The following LYPLAL1 variants were observed in gnomAD, a reference collection of about 807,000 sequenced individuals.
The protein encoded by LYPLAL1 is lysophospholipase-like protein 1.
LYPLAL1 carries 23 observed loss-of-function variants against 19.7 expected under a neutral mutation model. The ratio of observed to expected loss-of-function variants is 1.17; its 90% CI spans 0.84 to 1.65. The LOEUF (loss-of-function observed/expected upper bound fraction) is 1.65. Among genes scored for constraint, LYPLAL1 ranks in the 40% most tolerant of loss-of-function variants. The pLI is 0.00. For synonymous variants in LYPLAL1, 119 were observed against 96.3 expected, an observed-to-expected ratio of 1.24 and a Z score of -1.38; for missense variants, 355 against 279.4, an observed-to-expected ratio of 1.27 and a Z score of -1.93.
At chr1:219,316,037 C>T in the LYPLAL1 span, among the ~76,000 whole-genome samples, 276 of 152,176 alleles carry the variant, frequency 1.8e-3, 4 homozygotes, top group Middle Eastern at 3.4e-3. Flanking sequence ...TCTCAAAGAT[C>T]CAATAATATT....
At chr1:219,434,529 T>C in the LYPLAL1 span, among the ~76,000 whole-genome samples, 4 of 152,208 alleles carry the variant, frequency 2.6e-5, no homozygotes, top group Admixed American at 2.6e-4. Flanking sequence ...AGAACAGCAG[T>C]TGGACTCCCC....
chr1:219,330,659 C>T, the LYPLAL1 span, among the ~76,000 whole-genome samples: 1 of 152,182 alleles, frequency 6.6e-6, no homozygotes, highest in African/African-American at 2.4e-5. Context: ...CTTCTAAATA[C>T]ATTCAACAAA....
the LYPLAL1 span, among the ~76,000 whole-genome samples, chr1:219,357,630 C>T: frequency 6.6e-6 from 1 of 152,138 alleles, no homozygotes; most frequent in Non-Finnish European, 1.5e-5. Flanking sequence ...TTTTGAGCAG[C>T]AGTTTGGTGA....
chr1:219,196,337 T>C (rs1242563832), intron 3 of LYPLAL1, among the ~76,000 whole-genome samples: 1 of 152,152 alleles, frequency 6.6e-6, no homozygotes, highest in Admixed American at 6.6e-5. Context: ...TGCCAGCATA[T>C]TAAAAATTCA....
chr1:219,244,922 A>AG, the LYPLAL1 span, among the ~76,000 whole-genome samples: 1 of 150,474 alleles, frequency 6.6e-6, no homozygotes, highest in South Asian at 2.1e-4. Context: ...AAAAAAAAAA[A>AG]AAAAACAAAA....
chr1:219,211,340 T>C (rs917488125), intron 4 of LYPLAL1, 152 bp from the exon 5 acceptor site: 3 of 593,804 alleles, frequency 5.1e-6, no homozygotes, highest in African/African-American at 1.9e-5. Context: ...GGCCCACCAA[T>C]GTATACCTCA....
At chr1:219,386,355 A>G in the LYPLAL1 span, among the ~76,000 whole-genome samples, 1 of 152,200 alleles carries the variant, frequency 6.6e-6, no homozygotes, top group African/African-American at 2.4e-5. Flanking sequence ...AACTAGCTGT[A>G]TGACTGACTG....
the LYPLAL1 span, among the ~76,000 whole-genome samples, chr1:219,379,449 T>C: frequency 6.6e-6 from 1 of 152,206 alleles, no homozygotes; most frequent in Non-Finnish European, 1.5e-5. Context: ...TGGCAAGACT[T>C]CAAGCAGTTT....
chr1:219,441,803 A>C, the LYPLAL1 span, among the ~76,000 whole-genome samples: 1 of 152,150 alleles, frequency 6.6e-6, no homozygotes, highest in Admixed American at 6.6e-5. Context: ...TTTTGAGGAA[A>C]AATCTGCGGC....
chr1:219,409,023 AT>A, the LYPLAL1 span, among the ~76,000 whole-genome samples: 5 of 152,234 alleles, frequency 3.3e-5, no homozygotes, highest in Non-Finnish European at 7.3e-5. Flanking sequence ...GATTAAATAA[AT>A]TTAAGCCACA....
At chr1:219,399,784 G>A in the LYPLAL1 span, among the ~76,000 whole-genome samples, 2 of 152,164 alleles carry the variant, frequency 1.3e-5, no homozygotes, top group Non-Finnish European at 2.9e-5. Flanking sequence ...AGCCCCATCT[G>A]ATGAGCAAGA....
At chr1:219,332,845 A>T in the LYPLAL1 span, among the ~76,000 whole-genome samples, 2 of 135,914 alleles carry the variant, frequency 1.5e-5, no homozygotes, top group Non-Finnish European at 3.2e-5. Flanking sequence ...AAATTAAACC[A>T]GATGGAAGGA....
At chr1:219,333,667 A>G in the LYPLAL1 span, among the ~76,000 whole-genome samples, 1 of 152,104 alleles carries the variant, frequency 6.6e-6, no homozygotes, top group African/African-American at 2.4e-5. Context: ...TTTTAAAATT[A>G]CAGAAAGAAC....
intron 3 of LYPLAL1, among the ~76,000 whole-genome samples, chr1:219,203,251 TG>T (rs1658266065): frequency 6.6e-6 from 1 of 152,140 alleles, no homozygotes; most frequent in South Asian, 2.1e-4. Context: ...CGGTTTTATT[TG>T]ATTAGTGGTA....
At chr1:219,349,450 G>C in the LYPLAL1 span, among the ~76,000 whole-genome samples, 1 of 152,260 alleles carries the variant, frequency 6.6e-6, no homozygotes, top group African/African-American at 2.4e-5. Flanking sequence ...TGTTAATGAA[G>C]CATAATTTGA....
At chr1:219,439,142 A>G in the LYPLAL1 span, among the ~76,000 whole-genome samples, 1 of 151,986 alleles carries the variant, frequency 6.6e-6, no homozygotes, top group African/African-American at 2.4e-5. Context: ...CCAGTCCATC[A>G]CCTGACAAAC....
chr1:219,187,891 GGTAA>G (rs1163256870), intron 2 of LYPLAL1, among the ~76,000 whole-genome samples: 1 of 151,474 alleles, frequency 6.6e-6, no homozygotes, highest in Non-Finnish European at 1.5e-5. Context: ...GTACTTCTTT[GGTAA>G]GTATTAGGTA....
At chr1:219,196,562 A>G (rs560970323) in intron 3 of LYPLAL1, among the ~76,000 whole-genome samples, 1 of 152,276 alleles carries the variant, frequency 6.6e-6, no homozygotes, top group Admixed American at 6.5e-5. Flanking sequence ...CAAAAGCTGT[A>G]ACCATTCCCC....
At chr1:219,344,969 A>G in the LYPLAL1 span, among the ~76,000 whole-genome samples, 1 of 152,034 alleles carries the variant, frequency 6.6e-6, no homozygotes, top group Admixed American at 6.6e-5. Flanking sequence ...TCCTCCCCAT[A>G]TTTATCCTAT....
Sources: allele counts gnomAD v4.1 joint callset (sites outside exome capture counted in the v4.1 genomes callset), GRCh38; gene constraint gnomAD v4.1.1; transcripts MANE v1.5; gene names NCBI Gene and HGNC (gene_info 2026-07-23, HGNC 2026-07-21).